The following CPNE8 variants were observed in gnomAD, a reference collection of about 807,000 sequenced individuals.
CPNE8 encodes copine 8.
A neutral mutation model predicts 81.5 loss-of-function variants in CPNE8; 45 were observed. The ratio of observed to expected loss-of-function variants is 0.55; its 90% CI spans 0.44 to 0.71. The LOEUF is 0.71. Ranked by LOEUF, CPNE8 falls within the 30% of genes least tolerant of loss-of-function variation. The pLI, the probability that CPNE8 is intolerant of heterozygous loss-of-function variation, is 0.00. For missense variants in CPNE8, 594 were observed against 672.1 expected (o/e 0.88, Z 1.28); for synonymous variants, 252 against 226.3 (o/e 1.11, Z -1.02).
chr12:38,797,750 C>T lies in CPNE8; in HGVS notation c.408-21449G>A, dbSNP rs546573216. On this transcript the variant is annotated intron_variant, in intron 6 of 19. Transcript: ENST00000331366. ...AAGGCTTCAGAAGATCAAACTACTC[C>T]GAGCTAAAGGAGGAAGTTTGAACCA... Among the ~76,000 whole-genome samples the T allele has an allele frequency of 1.2e-4, 19 of 152,098 alleles. No individual in the cohort carries two copies. In the East Asian group the frequency reaches 2.5e-3, roughly 20 times the overall value.
intron 6 of CPNE8, among the ~76,000 whole-genome samples, chr12:38,821,444 A>G (rs1255094221): frequency 2.0e-5 from 3 of 152,208 alleles, no homozygotes; most frequent in African/African-American, 7.2e-5. Context: ...CTATAAAGTT[A>G]CCATTCGTAA....
chr12:38,790,410 CAG>C (rs1308847534), intron 6 of CPNE8, among the ~76,000 whole-genome samples: 1 of 151,500 alleles, frequency 6.6e-6, no homozygotes, highest in African/African-American at 2.4e-5. Flanking sequence ...GCTCATAAGA[CAG>C]AGAGTAGAAA....
At chr12:38,711,360 T>C (rs970075926) in intron 13 of CPNE8, among the ~76,000 whole-genome samples, 2 of 152,192 alleles carry the variant, frequency 1.3e-5, no homozygotes, top group Admixed American at 1.3e-4. Context: ...TCCTTTGACT[T>C]TGAAATGGAG....
intron 17 of CPNE8, among the ~76,000 whole-genome samples, chr12:38,677,164 T>A (rs1209402339): frequency 3.3e-5 from 5 of 152,058 alleles, no homozygotes; most frequent in Non-Finnish European, 7.4e-5. Context: ...CACAAATACA[T>A]CAAACTAATA....
At chr12:38,788,660 A>G (rs1942253691) in intron 6 of CPNE8, among the ~76,000 whole-genome samples, 1 of 151,702 alleles carries the variant, frequency 6.6e-6, no homozygotes, top group African/African-American at 2.4e-5. Flanking sequence ...AATCAAAAAG[A>G]AAGGAGTCAA....
At chr12:38,871,703 AACTC>A (rs1455571722) in intron 3 of CPNE8, among the ~76,000 whole-genome samples, 2 of 152,190 alleles carry the variant, frequency 1.3e-5, no homozygotes, top group African/African-American at 2.4e-5. Context: ...ACGGGAGAGA[AACTC>A]AGGATGACTA....
intron 7 of CPNE8, among the ~76,000 whole-genome samples, chr12:38,771,117 T>A (rs1444128430): frequency 6.6e-6 from 1 of 151,854 alleles, no homozygotes; most frequent in Non-Finnish European, 1.5e-5. Context: ...AATCAATAAA[T>A]AAAAACAAAA....
chr12:38,905,336 T>TATTTCCCAC, intron 1 of CPNE8, 101 bp downstream of exon 1: 1 of 1,368,886 alleles, frequency 7.3e-7, no homozygotes, highest in Non-Finnish European at 1.0e-6. Flanking sequence ...ATGGCGCAAC[T>TATTTCCCAC]TCTTGCCTGC....
intron 13 of CPNE8, among the ~76,000 whole-genome samples, chr12:38,705,475 T>C (rs905789222): frequency 6.6e-6 from 1 of 152,310 alleles, no homozygotes; most frequent in Non-Finnish European, 1.5e-5. Context: ...AATAGTTATA[T>C]GGTATTTTTT....
chr12:38,786,618 C>G (rs1343239164), intron 6 of CPNE8, among the ~76,000 whole-genome samples: 1 of 152,070 alleles, frequency 6.6e-6, no homozygotes, highest in East Asian at 1.9e-4. Flanking sequence ...TCCATTAGTT[C>G]TGTCCCAATA....
At chr12:38,799,958 A>G (rs1398236324) in intron 6 of CPNE8, among the ~76,000 whole-genome samples, 6 of 150,442 alleles carry the variant, frequency 4.0e-5, no homozygotes. Flanking sequence ...CCGGCTTAAG[A>G]AACGGCGCAC....
intron 6 of CPNE8, among the ~76,000 whole-genome samples, chr12:38,826,952 G>A (rs1295337389): frequency 1.3e-5 from 2 of 149,464 alleles, no homozygotes; most frequent in Non-Finnish European, 3.0e-5. Flanking sequence ...GGCAGATCAC[G>A]AGGTCAGGAG....
chr12:38,836,702 A>G (rs1209107733), intron 5 of CPNE8, among the ~76,000 whole-genome samples: 1 of 152,202 alleles, frequency 6.6e-6, no homozygotes, highest in Non-Finnish European at 1.5e-5. Flanking sequence ...CAAAATTGGC[A>G]GGTAGACAAC....
intron 14 of CPNE8, among the ~76,000 whole-genome samples, chr12:38,700,374 G>A (rs2136685864): frequency 6.6e-6 from 1 of 152,030 alleles, no homozygotes; most frequent in African/African-American, 2.4e-5. Context: ...TAGTAGCTGG[G>A]ATTACAGGCG....
intron 3 of CPNE8, among the ~76,000 whole-genome samples, chr12:38,864,711 G>T (rs774490929): frequency 2.3e-4 from 35 of 152,110 alleles, no homozygotes; most frequent in Non-Finnish European, 4.4e-4. Flanking sequence ...GGAACTGTAG[G>T]TCTAAACATG....
At chr12:38,664,862 G>A (rs564751017) in intron 19 of CPNE8, among the ~76,000 whole-genome samples, 1 of 152,062 alleles carries the variant, frequency 6.6e-6, no homozygotes, top group African/African-American at 2.4e-5. Flanking sequence ...TGGACATTAG[G>A]GGGCACTGCC....
At chr12:38,809,127 T>A (rs7965216) in intron 6 of CPNE8, among the ~76,000 whole-genome samples, 10,640 of 152,196 alleles carry the variant, frequency 0.07, 554 homozygotes, top group Admixed American at 0.16. Context: ...AAATAAATTA[T>A]CTCAAGTTTA....
intron 4 of CPNE8, among the ~76,000 whole-genome samples, chr12:38,845,031 G>A (rs1337561520): frequency 2.0e-5 from 3 of 151,800 alleles, no homozygotes; most frequent in African/African-American, 4.8e-5. Context: ...AATCAGGACC[G>A]ATTTTCCCCA....
intron 3 of CPNE8, among the ~76,000 whole-genome samples, chr12:38,851,828 C>T (rs377762759): frequency 1.3e-4 from 20 of 152,164 alleles, no homozygotes; most frequent in African/African-American, 4.3e-4. Context: ...CTATTTTCCT[C>T]TCTAACCTCA....
Sources: gnomAD v4.1 joint callset for allele counts (sites outside exome capture counted in the v4.1 genomes callset) on GRCh38, gnomAD v4.1.1 for gene constraint, MANE v1.5 for transcripts, NCBI Gene and HGNC (gene_info 2026-07-23, HGNC 2026-07-21) for gene names.